The following FBXL5 variants were observed in gnomAD, a reference collection of about 807,000 sequenced individuals.
FBXL5 encodes the protein F-box and leucine rich repeat protein 5, also known as F-box/LRR-repeat protein 5.
In FBXL5, 26 loss-of-function variants were observed where a neutral mutation model predicts 78.3. The observed-to-expected ratio is 0.33, with a 90% CI of 0.24 to 0.46. The LOEUF (loss-of-function observed/expected upper bound fraction) is 0.46, where lower values mean the gene tolerates loss of function less well. FBXL5 is among the 20% of genes least tolerant of loss of function. The probability of loss-of-function intolerance (pLI) is 1.00; values close to 1 mark genes in which losing one functional copy is unlikely to be tolerated. For missense variants in FBXL5, 710 were observed against 829.2 expected, an observed-to-expected ratio of 0.86 and a Z score of 1.77; for synonymous variants, 295 against 282.5, an observed-to-expected ratio of 1.04 and a Z score of -0.45.
chr4:15,654,731 G>C (rs933395493), intron 1 of FBXL5, among the ~76,000 whole-genome samples: 2 of 152,238 alleles, frequency 1.3e-5, no homozygotes, highest in African/African-American at 4.8e-5. Context: ...GAGGATGGGT[G>C]GGTGTCTGCA....
upstream of FBXL5, among the ~76,000 whole-genome samples, chr4:15,664,239 T>C (rs1717435649): frequency 6.6e-6 from 1 of 152,190 alleles, no homozygotes; most frequent in Non-Finnish European, 1.5e-5. Flanking sequence ...CCTTCTCTGC[T>C]TACACTAATA....
intron 5 of FBXL5, among the ~76,000 whole-genome samples, chr4:15,633,122 T>A (rs1001531240): frequency 6.6e-6 from 1 of 152,164 alleles, no homozygotes; most frequent in Non-Finnish European, 1.5e-5. Flanking sequence ...CTATGACAGG[T>A]GGGTTCGATT....
chr4:15,627,772 C>T (rs1007832732), intron 7 of FBXL5, 113 bp downstream of exon 7: 2 of 946,266 alleles, frequency 2.1e-6, no homozygotes, highest in African/African-American at 3.4e-5. Flanking sequence ...TAGGAAGGCA[C>T]TCAATAATCA....
At chr4:15,642,962 A>G (rs1322342524) in intron 2 of FBXL5, among the ~76,000 whole-genome samples, 1 of 151,966 alleles carries the variant, frequency 6.6e-6, no homozygotes, top group Non-Finnish European at 1.5e-5. Context: ...CATTCTATCA[A>G]TTTTATTTCC....
Position 15,636,548 on chromosome 4 carries a change from G to T in FBXL5, c.712C>A (p.Leu238Met), listed in dbSNP as rs754776798. 13 of 1,613,888 alleles carry T rather than the reference G, an allele frequency of 8.1e-6. No individual in the cohort carries two copies. The highest frequency in any genetic ancestry group is 1.7e-5 in the Admixed American group (1 of 59,992). Residue 238 changes from leucine (L) to methionine (M), a missense_variant, in exon 5 of 11, where the codon CTG becomes ATG. This residue lies in a region of FBXL5 where 517 missense variants were observed against 542.9 expected (regional missense o/e 0.95). Coordinates refer to ENST00000341285, the MANE Select transcript of FBXL5 (RefSeq NM_012161.4). ...TTCCAAAGCGATCCCGTTTTTGTCAGCTGAGACCATTTCATGCTTACTTGA... is the reference window on the plus strand; with the variant it reads ...TTCCAAAGCGATCCCGTTTTTGTCATCTGAGACCATTTCATGCTTACTTGA... Reference protein sequence around the residue: ...CSQVSMKWSQLTKTGSLWKHL... With the variant: ...CSQVSMKWSQMTKTGSLWKHL...
intron 5 of FBXL5, among the ~76,000 whole-genome samples, chr4:15,631,603 C>G (rs370935072): frequency 6.6e-6 from 1 of 152,132 alleles, no homozygotes. Context: ...TTTTAATGAT[C>G]GCCATTCTAA....
At chr4:15,619,449 G>GA (rs1335695136) in intron 9 of FBXL5, among the ~76,000 whole-genome samples, 2 of 151,984 alleles carry the variant, frequency 1.3e-5, no homozygotes, top group Admixed American at 6.6e-5. Context: ...AACTGATTGA[G>GA]AAAAAAACGT....
intron 1 of FBXL5, among the ~76,000 whole-genome samples, chr4:15,645,279 T>C (rs1212252523): frequency 1.3e-5 from 2 of 152,132 alleles, no homozygotes; most frequent in African/African-American, 2.4e-5. Flanking sequence ...ATTCCTACTA[T>C]ACATAACAGA....
chr4:15,618,036 G>A (rs1308926211), intron 9 of FBXL5, among the ~76,000 whole-genome samples: 1 of 152,044 alleles, frequency 6.6e-6, no homozygotes, highest in Non-Finnish European at 1.5e-5. Context: ...GTAGCAGGAG[G>A]GGAAACAATA....
At chr4:15,666,907 TGTTA>T (rs1397930635) in intron 1 of FBXL5, among the ~76,000 whole-genome samples, 2 of 151,948 alleles carry the variant, frequency 1.3e-5, no homozygotes, top group Non-Finnish European at 2.9e-5. Flanking sequence ...GTGCTAAATG[TGTTA>T]ATTAGCTTGA....
chr4:15,655,107 G>T lies in FBXL5; in HGVS notation c.84+97C>A, dbSNP rs1716707776. 2.0e-5 allele frequency: 20 copies of T among 983,630 alleles called. 1 individual carries two copies. The South Asian group carries it at 7.2e-4, about 35-fold the overall frequency. 60.9% of individuals were successfully genotyped at this position (983,630 alleles called of 1,614,324 possible). On this transcript the variant is annotated intron_variant, in intron 1 of 10. Coordinates refer to ENST00000341285, the MANE Select transcript of FBXL5 (RefSeq NM_012161.4). ...GCTACTCGCGCGGCGACGGCACGGG[G>T]CTGCGGGCGCGGCGCAGGCCAGGCC...
At chr4:15,674,965 G>A (rs1164232250) in intron 1 of FBXL5, among the ~76,000 whole-genome samples, 1 of 151,938 alleles carries the variant, frequency 6.6e-6, no homozygotes, top group Non-Finnish European at 1.5e-5. Flanking sequence ...GGTTTTTAAT[G>A]ATAAATTAAT....
rs780135235 is a variant in FBXL5 at position 15,625,980 on chromosome 4, A to G, written c.1125-3T>C. On this transcript the variant is annotated splice_polypyrimidine_tract_variant and splice_region_variant and intron_variant, in intron 8 of 10. Coordinates refer to ENST00000341285, the MANE Select transcript of FBXL5 (RefSeq NM_012161.4). The stretch of plus-strand genomic sequence containing the variant: ...GGCAGCAACCAAGCCAAGACCAACT[A>G]TAATTAAAAGACAAGACTATTAATG... 6.5e-7 allele frequency: 1 copy of G among 1,546,288 alleles called. No individual in the cohort carries two copies. The highest frequency in any genetic ancestry group is 8.6e-7 in the Non-Finnish European group (1 of 1,157,048).
In FBXL5 at chr4:15,605,634, T is replaced by C. The variant is rs1287638631; in HGVS notation, c.*89A>G. On this transcript the variant is annotated 3_prime_UTR_variant, in exon 11 of 11. Coordinates refer to ENST00000341285, the MANE Select transcript of FBXL5 (RefSeq NM_012161.4). The stretch of plus-strand genomic sequence containing the variant: ...AAAACAAGTCACGCTCAAAAAGGGA[T>C]GGTTAACACAAGAAATGTGCTATGA... The C allele has an allele frequency of 4.3e-5, 46 of 1,066,658 alleles. No homozygotes were observed. The highest frequency in any genetic ancestry group is 4.2e-6 in the Non-Finnish European group (3 of 711,342). The allele number at this position is 1,066,658 out of a possible 1,614,324, so 66.1% of individuals were successfully genotyped here.
chr4:15,630,752 T>A lies in FBXL5; in HGVS notation c.806A>T (p.Glu269Val). Residue 269 changes from glutamate (E) to valine (V), a missense_variant, in exon 6 of 11, where the codon GAA (glutamate) becomes GTA (valine). By Grantham distance (121) the Glu-to-Val change is moderately radical. Around this residue, in one of 4 missense-constraint regions of FBXL5, gnomAD observed 517 missense variants for 542.9 expected, o/e 0.95. Coordinates refer to ENST00000341285, the MANE Select transcript of FBXL5 (RefSeq NM_012161.4). ...YSGPATELDT[E>V]PDDEWVKNRK... ...ATTTTTCACCCATTCATCATCAGGT[T>A]CAGTATCAAGTTCAGTTGCGGGACC... 6.2e-7 allele frequency: 1 copy of A among 1,612,476 alleles called. No individual in the cohort carries two copies. Among genetic ancestry groups the A allele is most frequent in the Non-Finnish European group, 8.5e-7 (1 of 1,179,454 alleles).
At chr4:15,677,482 T>G (rs1718035570) in intron 1 of FBXL5, among the ~76,000 whole-genome samples, 2 of 152,256 alleles carry the variant, frequency 1.3e-5, no homozygotes, top group South Asian at 4.1e-4. Flanking sequence ...ACCAACTAGG[T>G]GTTTACAGGA....
At chr4:15,677,072 C>A (rs370006276) in intron 1 of FBXL5, among the ~76,000 whole-genome samples, 2 of 152,038 alleles carry the variant, frequency 1.3e-5, no homozygotes, top group Admixed American at 6.5e-5. Context: ...CGCTAGATAG[C>A]GTTAAAACTA....
At chr4:15,612,210 T>TA (rs553963627) in intron 10 of FBXL5, 56 bp downstream of exon 10, 45 of 1,377,556 alleles carry the variant, frequency 3.3e-5, no homozygotes, top group Admixed American at 1.1e-4. Flanking sequence ...TTAGAACTGC[T>TA]AAAAAAAATT....
chr4:15,649,354 C>T (rs189127818), intron 1 of FBXL5, among the ~76,000 whole-genome samples: 19 of 151,884 alleles, frequency 1.3e-4, no homozygotes, highest in Admixed American at 6.6e-4. Context: ...CCGAGGCAGG[C>T]GGATCACAAG....
Sources: gnomAD v4.1 joint callset for allele counts (sites outside exome capture counted in the v4.1 genomes callset) on GRCh38, gnomAD v4.1.1 for gene constraint, gnomAD v4.1.1 regional missense constraint, MANE v1.5 for transcripts, NCBI Gene and HGNC (gene_info 2026-07-23, HGNC 2026-07-21) for gene names.